CCDC146: variants seen among roughly 807,000 people sequenced by gnomAD.
CCDC146 encodes the protein coiled-coil domain containing 146.
CCDC146 carries 92 observed loss-of-function variants against 119.3 expected under a neutral mutation model. The ratio of observed to expected loss-of-function variants is 0.77; its 90% CI spans 0.65 to 0.92. The LOEUF (loss-of-function observed/expected upper bound fraction) is 0.92, where lower values mean the gene tolerates loss of function less well. CCDC146 is among the 40% of genes least tolerant of loss of function. The pLI is 0.00. For missense variants in CCDC146, 1,000 were observed against 1,103.0 expected, an observed-to-expected ratio of 0.91 and a Z score of 1.32; for synonymous variants, 372 against 371.8, an observed-to-expected ratio of 1.00 and a Z score of -0.01.
intron 14 of CCDC146, among the ~76,000 whole-genome samples, chr7:77,282,007 C>T (rs915064997): frequency 9.9e-5 from 15 of 152,206 alleles, no homozygotes; most frequent in Non-Finnish European, 1.5e-4. Context: ...CCCATATTCT[C>T]CATTCAAGGA....
At chr7:77,225,310 A>T (rs1353089412) in intron 2 of CCDC146, among the ~76,000 whole-genome samples, 3 of 150,620 alleles carry the variant, frequency 2.0e-5, no homozygotes, top group African/African-American at 7.3e-5. Context: ...ACTTTTGGGG[A>T]GACCAAAGCA....
intron 14 of CCDC146, among the ~76,000 whole-genome samples, chr7:77,281,517 AT>A (rs887187759): frequency 4.6e-5 from 7 of 152,128 alleles, no homozygotes; most frequent in Admixed American, 1.3e-4. Context: ...CTGGTATCAG[AT>A]TTTTTTTAAG....
At chr7:77,260,693 C>G (rs1046932150) in intron 8 of CCDC146, among the ~76,000 whole-genome samples, 1 of 152,182 alleles carries the variant, frequency 6.6e-6, no homozygotes, top group African/African-American at 2.4e-5. Flanking sequence ...GTGGCACGAT[C>G]TTGGCTCACT....
chr7:77,179,794 TC>T (rs1290960411), intron 2 of CCDC146, among the ~76,000 whole-genome samples: 1 of 152,180 alleles, frequency 6.6e-6, no homozygotes, highest in Non-Finnish European at 1.5e-5. Context: ...ACATTATTGT[TC>T]AACTAATCTC....
intron 3 of CCDC146, 63 bp from the exon 4 acceptor site, chr7:77,241,628 C>A (rs1202161661): frequency 6.9e-7 from 1 of 1,441,896 alleles, no homozygotes; most frequent in African/African-American, 1.4e-5. Flanking sequence ...ACTAGACCCC[C>A]ACAGGAGCCA....
At chr7:77,198,837 T>C in intron 2 of CCDC146, 1 of 317,692 alleles carries the variant, frequency 3.1e-6, no homozygotes, top group Non-Finnish European at 5.7e-6. Context: ...AACATCGCCT[T>C]ATCTTTATTG....
chr7:77,144,871 A>T (rs1172295460), intron 1 of CCDC146, among the ~76,000 whole-genome samples: 1 of 151,694 alleles, frequency 6.6e-6, no homozygotes, highest in Non-Finnish European at 1.5e-5. Flanking sequence ...TATTGGTCTA[A>T]AATTCTCTTT....
At chr7:77,277,213 C>T (rs367748014) in intron 11 of CCDC146, among the ~76,000 whole-genome samples, 14 of 152,292 alleles carry the variant, frequency 9.2e-5, no homozygotes, top group Non-Finnish European at 2.1e-4. Context: ...GTGAGTCTTT[C>T]CTAGTTAGAA....
chr7:77,244,394 CCACT>C (rs1196335566), intron 4 of CCDC146, among the ~76,000 whole-genome samples: 1 of 152,166 alleles, frequency 6.6e-6, no homozygotes, highest in African/African-American at 2.4e-5. Flanking sequence ...CATTCACTCA[CCACT>C]CACTCACTCA....
chr7:77,279,708 A>G (rs1277076330), intron 13 of CCDC146, among the ~76,000 whole-genome samples: 1 of 152,210 alleles, frequency 6.6e-6, no homozygotes, highest in Non-Finnish European at 1.5e-5. Context: ...TATCCATACC[A>G]TATTTCATGC....
At chr7:77,261,595 A>G (rs1324830198) in intron 8 of CCDC146, among the ~76,000 whole-genome samples, 1 of 151,978 alleles carries the variant, frequency 6.6e-6, no homozygotes, top group Non-Finnish European at 1.5e-5. Context: ...CTCCTGCCTC[A>G]GCCTCCCGAG....
At chr7:77,199,685 C>A (rs758222955) in intron 2 of CCDC146, 2 of 1,614,040 alleles carry the variant, frequency 1.2e-6, no homozygotes, top group Admixed American at 3.3e-5. Context: ...GGGCAGACAT[C>A]CTTTGCTCTT....
intron 2 of CCDC146, among the ~76,000 whole-genome samples, chr7:77,225,304 T>C (rs570680270): frequency 1.8e-4 from 28 of 152,108 alleles, no homozygotes; most frequent in African/African-American, 6.0e-4. Context: ...CCCATCACTT[T>C]TGGGGAGACC....
At chr7:77,239,124 C>T (rs1301103462) in intron 3 of CCDC146, among the ~76,000 whole-genome samples, 1 of 152,132 alleles carries the variant, frequency 6.6e-6, no homozygotes, top group African/African-American at 2.4e-5. Context: ...GTCTCTTCTA[C>T]TGGTATCATG....
intron 2 of CCDC146, among the ~76,000 whole-genome samples, chr7:77,210,336 AG>A (rs1248582460): frequency 6.6e-6 from 1 of 152,240 alleles, no homozygotes; most frequent in Non-Finnish European, 1.5e-5. Flanking sequence ...TCCCTAGAGC[AG>A]GGGCACAATG....
intron 2 of CCDC146, among the ~76,000 whole-genome samples, chr7:77,187,107 C>T (rs1280681301): frequency 6.6e-6 from 1 of 152,180 alleles, no homozygotes; most frequent in Non-Finnish European, 1.5e-5. Context: ...CAATTCTCCA[C>T]TTTTGGTAAT....
intron 4 of CCDC146, among the ~76,000 whole-genome samples, chr7:77,252,953 A>T (rs1793105107): frequency 6.6e-6 from 1 of 152,178 alleles, no homozygotes; most frequent in Non-Finnish European, 1.5e-5. Flanking sequence ...ATCCAAATGC[A>T]AGGGAGACTG....
chr7:77,221,274 C>A (rs1338203690), intron 2 of CCDC146, among the ~76,000 whole-genome samples: 1 of 152,160 alleles, frequency 6.6e-6, no homozygotes, highest in South Asian at 2.1e-4. Context: ...ATTGACTTTG[C>A]CTGGATAGCA....
At chr7:77,161,533 A>G (rs1791261524) in intron 1 of CCDC146, among the ~76,000 whole-genome samples, 1 of 151,466 alleles carries the variant, frequency 6.6e-6, no homozygotes, top group Non-Finnish European at 1.5e-5. Context: ...AAACTATCAC[A>G]AGAACAAAAA....
Sources: gnomAD v4.1 joint callset for allele counts (sites outside exome capture counted in the v4.1 genomes callset) on GRCh38, gnomAD v4.1.1 for gene constraint, MANE v1.5 for transcripts, NCBI Gene and HGNC (gene_info 2026-07-23, HGNC 2026-07-21) for gene names.